Variants in ODAD4 observed in about 807,000 individuals in gnomAD.
ODAD4 encodes outer dynein arm docking complex subunit 4, also known as outer dynein arm-docking complex subunit 4.
A neutral mutation model predicts 51.8 loss-of-function variants in ODAD4; 49 were observed. That is an observed-to-expected ratio of 0.95 (90% CI 0.75 to 1.20). ODAD4 has a LOEUF of 1.20. Ranked by LOEUF, ODAD4 falls within the 50% of genes most tolerant of loss-of-function variation. ODAD4 has a pLI of 0.00. For synonymous variants in ODAD4, 235 were observed against 221.3 expected (o/e 1.06, Z -0.55); for missense variants, 590 against 586.5 (o/e 1.01, Z -0.06).
Position 41,935,189 on chromosome 17 carries a change from CTGTCAACCTGACTGGTTTCTT to C in ODAD4, c.115-22_115-2del. The C allele has an allele frequency of 1.2e-6, 2 of 1,613,334 alleles. No individual in the cohort carries two copies. Among genetic ancestry groups the C allele is most frequent in the Non-Finnish European group, 1.7e-6 (2 of 1,179,674 alleles). On this transcript the variant is annotated splice_polypyrimidine_tract_variant and splice_region_variant and intron_variant, in intron 1 of 11. Coordinates refer to ENST00000377540, the MANE Select transcript of ODAD4 (RefSeq NM_031421.5). ...GCTTCTACCTTGCTCTTCATGCTGGCTGTCAACCTGACTGGTTTCTTTGTCAGGCTCTTTACCTTCAGGATG... is the reference window on the plus strand; with the variant it reads ...GCTTCTACCTTGCTCTTCATGCTGGCTGTCAGGCTCTTTACCTTCAGGATG...
chr17:41,952,581 A>C, intron 9 of ODAD4: 1 of 417,728 alleles, frequency 2.4e-6, no homozygotes, highest in South Asian at 1.8e-5. Context: ...AGAAAGAATG[A>C]AAGAATAATC....
At chr17:41,963,268 C>T (rs2050829381) in intron 11 of ODAD4, among the ~76,000 whole-genome samples, 3 of 151,954 alleles carry the variant, frequency 2.0e-5, no homozygotes, top group South Asian at 2.1e-4. Context: ...GTAAGGGAGA[C>T]GCAGAAGGGG....
At chr17:41,957,796 C>G (rs1277170157) in intron 10 of ODAD4, among the ~76,000 whole-genome samples, 2 of 151,920 alleles carry the variant, frequency 1.3e-5, no homozygotes, top group African/African-American at 2.4e-5. Context: ...TTTTTCTTTT[C>G]TTTTTTTGAG....
chr17:41,963,612 G>A (rs2050834350), intron 11 of ODAD4, among the ~76,000 whole-genome samples: 2 of 151,864 alleles, frequency 1.3e-5, no homozygotes, highest in Non-Finnish European at 2.9e-5. Flanking sequence ...CACACTTGCA[G>A]TGTGACCATT....
chr17:41,940,591 T>C (rs1193961920), intron 7 of ODAD4, among the ~76,000 whole-genome samples: 3 of 152,210 alleles, frequency 2.0e-5, no homozygotes. Context: ...AGACCTGTCT[T>C]CGATCCCTGT....
chr17:41,930,814 A>G lies in ODAD4; in HGVS notation c.91A>G (p.Lys31Glu), dbSNP rs782438510. The G allele has an allele frequency of 3.1e-6, 5 of 1,591,768 alleles. No individual in the cohort carries two copies. The South Asian group carries it at 5.6e-5, about 18-fold the overall frequency. ...ERLYLCGEFS[K>E]AAQSFSNALY... is the part of the protein sequence containing the mutation. ...GCTCTACCTGTGCGGGGAATTTTCT[A>G]AAGCCGCGCAGAGCTTCAGCAACGT... The change falls in exon 1 of 12, where the codon AAA (lysine) becomes GAA (glutamate). Residue 31 changes from lysine (K) to glutamate (E), a missense_variant. By Grantham distance (56) the Lys-to-Glu change is moderately conservative. Transcript: ENST00000377540.
At chr17:41,935,125 C>T in intron 1 of ODAD4, 92 bp from the exon 2 acceptor site, 1 of 1,452,232 alleles carries the variant, frequency 6.9e-7, no homozygotes, top group Non-Finnish European at 9.4e-7. Context: ...CTGAAGAAAT[C>T]CCCTCTGCAG....
chr17:41,954,969 C>A, intron 9 of ODAD4: 1 of 590,436 alleles, frequency 1.7e-6, no homozygotes. Context: ...CAGTCCCCTT[C>A]TCTCACCAAC....
At chr17:41,946,048 G>A (rs1398982880) in intron 8 of ODAD4, among the ~76,000 whole-genome samples, 1 of 152,202 alleles carries the variant, frequency 6.6e-6, no homozygotes, top group Non-Finnish European at 1.5e-5. Context: ...CTTCCCTTAG[G>A]GTTGGCTGCC....
At chr17:41,963,960 G>T (rs1445177323) in intron 11 of ODAD4, among the ~76,000 whole-genome samples, 1 of 151,360 alleles carries the variant, frequency 6.6e-6, no homozygotes, top group Admixed American at 6.6e-5. Flanking sequence ...GCAGTGGCGC[G>T]ATCTCGGCTC....
chr17:41,938,886 G>T, intron 6 of ODAD4, 79 bp from the exon 7 acceptor site: 2 of 1,552,900 alleles, frequency 1.3e-6, no homozygotes, highest in Non-Finnish European at 8.8e-7. Context: ...CCTGCAGATG[G>T]TGTCTGCAGG....
chr17:41,937,565 G>C (rs1555638026), intron 5 of ODAD4, among the ~76,000 whole-genome samples: 1 of 152,108 alleles, frequency 6.6e-6, no homozygotes, highest in African/African-American at 2.4e-5. Context: ...CCACCTCCTG[G>C]GTTAAAGCGA....
chr17:41,936,636 C>A lies in ODAD4; in HGVS notation c.459+102C>A. ...TAGCTGCAACCTGACCAGGCATACT[C>A]CGTGACTCTTGGCCCACAGAAAGGT... On this transcript the variant is annotated intron_variant, in intron 4 of 11. Transcript: ENST00000377540. The A allele has an allele frequency of 2.6e-6, 4 of 1,515,428 alleles. No homozygotes were observed. In the South Asian group the frequency reaches 4.6e-5, roughly 17 times the overall value. 93.9% of individuals were successfully genotyped at this position (1,515,428 alleles called of 1,614,324 possible).
At chr17:41,955,077 CT>C in intron 9 of ODAD4, 139 bp from the exon 10 acceptor site, 1 of 717,056 alleles carries the variant, frequency 1.4e-6, no homozygotes, top group Non-Finnish European at 2.6e-6. Flanking sequence ...CTCAGTGATG[CT>C]TCCCTGGGGC....
chr17:41,947,397 A>G (rs1961623304), intron 8 of ODAD4, among the ~76,000 whole-genome samples: 1 of 151,648 alleles, frequency 6.6e-6, no homozygotes, highest in South Asian at 2.1e-4. Flanking sequence ...AGGCAGGAGA[A>G]TTGCTTGAAC....
At chr17:41,942,098 G>A (rs868934877) in intron 7 of ODAD4, among the ~76,000 whole-genome samples, 9 of 152,060 alleles carry the variant, frequency 5.9e-5, no homozygotes, top group East Asian at 1.9e-4. Context: ...TTGGCAGCCC[G>A]GCTAATTTTG....
At chr17:41,946,951 C>T (rs1002624500) in intron 8 of ODAD4, among the ~76,000 whole-genome samples, 5 of 151,606 alleles carry the variant, frequency 3.3e-5, no homozygotes, top group African/African-American at 2.4e-5. Flanking sequence ...CCCGGGTTCA[C>T]GCCATTCTCC....
In ODAD4 at chr17:41,961,435, C is replaced by T. The variant is rs782141956; in HGVS notation, c.1497C>T (p.Tyr499=). The part of the protein sequence containing the change: ...GIIRELRKTN[Y]VENLKEKSEG... ...TCAGAGAACTGAGGAAAACCAACTA[C>T]GTGGAGAATCTCAAAGAAAAAAGCG... Residue 499 remains tyrosine, a synonymous_variant, in exon 11 of 12, where the codon TAC becomes TAT. Coordinates refer to ENST00000377540, the MANE Select transcript of ODAD4 (RefSeq NM_031421.5). 26 of 737,504 alleles carry T rather than the reference C, an allele frequency of 3.5e-5. No individual in the cohort carries two copies. Among genetic ancestry groups the T allele is most frequent in the Non-Finnish European group, 5.8e-5 (23 of 396,166 alleles). 45.7% of individuals were successfully genotyped at this position (737,504 alleles called of 1,614,324 possible). A position where few individuals can be genotyped will look rare whatever the true frequency, so the allele number is the denominator to read the frequency against.
Position 41,938,592 on chromosome 17 carries a change from G to A in ODAD4, c.661G>A (p.Val221Met), listed in dbSNP as rs1193847562. The change falls in exon 6 of 12, where the codon GTG becomes ATG. Residue 221 changes from valine to methionine, a missense_variant. By Grantham distance (21) the Val-to-Met change is conservative (BLOSUM62 1). Transcript: ENST00000377540. ...AGGCACCATGAAGGGCGGCCTGACTGTGGAGGACCTCATCATGACGGGCAT... is the reference window on the plus strand; with the variant it reads ...AGGCACCATGAAGGGCGGCCTGACTATGGAGGACCTCATCATGACGGGCAT... ...IKGTMKGGLT[V>M]EDLIMTGINY... 5 of 1,613,824 alleles carry A rather than the reference G, an allele frequency of 3.1e-6. No homozygotes were observed. The highest frequency in any genetic ancestry group is 2.7e-5 in the African/African-American group (2 of 74,898).
Sources: allele counts gnomAD v4.1 joint callset (sites outside exome capture counted in the v4.1 genomes callset), GRCh38; gene constraint gnomAD v4.1.1; transcripts MANE v1.5; gene names NCBI Gene and HGNC (gene_info 2026-07-23, HGNC 2026-07-21).